SLC16A9: variants seen among roughly 807,000 people sequenced by gnomAD.
SLC16A9 encodes solute carrier family 16 member 9.
Under a neutral mutation model 44.3 loss-of-function variants are expected in SLC16A9, and 26 were observed. That is an observed-to-expected ratio of 0.59 (90% confidence interval 0.43 to 0.81). The LOEUF is 0.81. Ranked by LOEUF, SLC16A9 falls within the 40% of genes least tolerant of loss-of-function variation. The pLI is 0.00. For synonymous variants in SLC16A9, 230 were observed against 225.1 expected (o/e 1.02, Z -0.19); for missense variants, 559 against 595.8 (o/e 0.94, Z 0.64).
chr10:59,665,763 C>T (rs1839600408), intron 3 of SLC16A9, among the ~76,000 whole-genome samples: 2 of 152,114 alleles, frequency 1.3e-5, no homozygotes, highest in African/African-American at 4.8e-5. Context: ...TACATGCTTT[C>T]CGTGATTTCG....
In SLC16A9 at chr10:59,684,139, T is replaced by C. The variant is rs1191987328; in HGVS notation, c.153A>G (p.Thr51=). 6.2e-7 allele frequency: 1 copy of C among 1,614,040 alleles called. No individual in the cohort carries two copies. The highest frequency in any genetic ancestry group is 8.5e-7 in the Non-Finnish European group (1 of 1,179,954). ...LDAFGEGKGK[T]AWVGSLASGV... ...CACTTGCCAGGGATCCAACCCAGGC[T>C]GTTTTTCCTTTTCCTTCACCAAAGG... The change falls in exon 2 of 6, where the codon ACA becomes ACG. Residue 51 remains threonine (T), a synonymous_variant. Coordinates refer to ENST00000395348, the MANE Select transcript of SLC16A9 (RefSeq NM_194298.3).
chr10:59,696,290 G>T (rs868257014), intron 1 of SLC16A9, among the ~76,000 whole-genome samples: 12 of 152,222 alleles, frequency 7.9e-5, no homozygotes, highest in African/African-American at 2.9e-4. Flanking sequence ...TTTTTTGGTG[G>T]AGAGGGGGTT....
At chr10:59,677,697 C>A (rs773541502) in intron 2 of SLC16A9, among the ~76,000 whole-genome samples, 3 of 151,956 alleles carry the variant, frequency 2.0e-5, no homozygotes, top group Non-Finnish European at 4.4e-5. Context: ...AACTAGGCTG[C>A]GAAGTATGGT....
intron 3 of SLC16A9, among the ~76,000 whole-genome samples, chr10:59,671,278 GA>G (rs930111198): frequency 6.6e-6 from 1 of 152,144 alleles, no homozygotes; most frequent in Admixed American, 6.5e-5. Context: ...TCCACTAAAT[GA>G]AGGAAAGGCC....
intron 1 of SLC16A9, among the ~76,000 whole-genome samples, chr10:59,692,471 A>C (rs1488641732): frequency 2.0e-5 from 3 of 152,234 alleles, no homozygotes; most frequent in Non-Finnish European, 4.4e-5. Context: ...TTTTAAAATT[A>C]GATTGTGGTG....
At chr10:59,689,478 C>A (rs1312410376) in intron 1 of SLC16A9, among the ~76,000 whole-genome samples, 1 of 152,188 alleles carries the variant, frequency 6.6e-6, no homozygotes, top group East Asian at 1.9e-4. Flanking sequence ...AGCCAGTAGG[C>A]TTTCAGGACT....
At chr10:59,660,332 C>T (rs930893087) in intron 4 of SLC16A9, among the ~76,000 whole-genome samples, 9 of 152,250 alleles carry the variant, frequency 5.9e-5, no homozygotes, top group African/African-American at 2.2e-4. Context: ...CACCACTGAT[C>T]ACACAGAAAT....
chr10:59,668,705 T>A (rs1279646192), intron 3 of SLC16A9, among the ~76,000 whole-genome samples: 1 of 152,216 alleles, frequency 6.6e-6, no homozygotes, highest in Non-Finnish European at 1.5e-5. Context: ...CCCTATGCTA[T>A]CATGAGTACA....
At chr10:59,686,037 G>A (rs1295371695) in intron 1 of SLC16A9, among the ~76,000 whole-genome samples, 6 of 151,204 alleles carry the variant, frequency 4.0e-5, no homozygotes, top group African/African-American at 9.7e-5. Context: ...GAGTGCAGTG[G>A]CGCAATCTCG....
In SLC16A9 at chr10:59,673,040, T is replaced by C. The variant is rs1839787996; in HGVS notation, c.197-127A>G. The C allele has an allele frequency of 2.0e-5, 16 of 793,924 alleles. No homozygotes were observed. The East Asian group carries it at 4.2e-4, about 21-fold the overall frequency. 49.2% of individuals were successfully genotyped at this position (793,924 alleles called of 1,614,324 possible). On this transcript the variant is annotated intron_variant, in intron 2 of 5. Coordinates refer to ENST00000395348, the MANE Select transcript of SLC16A9 (RefSeq NM_194298.3). ...GAGTATTTATGATATGCAGACACTA[T>C]ATGAGGCAGTTCACATGAACAATCT...
At chr10:59,657,449 T>C (rs1839374619) in intron 4 of SLC16A9, among the ~76,000 whole-genome samples, 1 of 152,234 alleles carries the variant, frequency 6.6e-6, no homozygotes, top group African/African-American at 2.4e-5. Flanking sequence ...CTGTGACTTT[T>C]GTTTAGCTTA....
chr10:59,668,355 G>A (rs1839669962), intron 3 of SLC16A9, among the ~76,000 whole-genome samples: 1 of 152,042 alleles, frequency 6.6e-6, no homozygotes, highest in African/African-American at 2.4e-5. Context: ...CTACTGAAAT[G>A]TCCTCCTCAC....
At chr10:59,705,208 C>T (rs763899442) in intron 1 of SLC16A9, among the ~76,000 whole-genome samples, 3 of 151,308 alleles carry the variant, frequency 2.0e-5, no homozygotes, top group Middle Eastern at 3.2e-3. Context: ...AAATATGTCC[C>T]GTCACTGAAA....
chr10:59,673,876 A>AACACAATGTAAATGAAAG (rs534650584), intron 2 of SLC16A9, among the ~76,000 whole-genome samples: 2 of 152,358 alleles, frequency 1.3e-5, no homozygotes, highest in South Asian at 2.1e-4. Flanking sequence ...GTATCACACA[A>AACACAATGTAAATGAAAG]ACACAATGTA....
chr10:59,675,705 C>T (rs76097960), intron 2 of SLC16A9, among the ~76,000 whole-genome samples: 3,308 of 152,286 alleles, frequency 0.022, 46 homozygotes, highest in Non-Finnish European at 0.037. Context: ...ATGAGCACAG[C>T]CTCAGTAAAC....
intron 2 of SLC16A9, among the ~76,000 whole-genome samples, chr10:59,680,982 C>CT (rs1839972578): frequency 9.7e-6 from 1 of 103,442 alleles, no homozygotes; most frequent in African/African-American, 4.0e-5. Context: ...GACCCAATCT[C>CT]AAATAATAAT....
intron 1 of SLC16A9, among the ~76,000 whole-genome samples, chr10:59,688,785 G>C (rs1402206158): frequency 2.0e-5 from 3 of 151,232 alleles, no homozygotes; most frequent in Non-Finnish European, 4.4e-5. Context: ...TCATTCAAAT[G>C]CTCCAATCAC....
chr10:59,673,421 C>A (rs1839795270), intron 2 of SLC16A9, among the ~76,000 whole-genome samples: 2 of 152,106 alleles, frequency 1.3e-5, no homozygotes, highest in African/African-American at 4.8e-5. Flanking sequence ...GAAATTCTTT[C>A]CTACTAGGAC....
intron 2 of SLC16A9, among the ~76,000 whole-genome samples, chr10:59,681,498 G>GTGTATGTGTATA: frequency 1.6e-5 from 2 of 121,604 alleles, no homozygotes; most frequent in African/African-American, 3.1e-5. Context: ...ATATGTATAT[G>GTGTATGTGTATA]TATATGTATA....
Sources: allele counts gnomAD v4.1 joint callset (sites outside exome capture counted in the v4.1 genomes callset), GRCh38; gene constraint gnomAD v4.1.1; transcripts MANE v1.5; gene names NCBI Gene and HGNC (gene_info 2026-07-23, HGNC 2026-07-21).